GPR155: variants seen among roughly 807,000 people sequenced by gnomAD.
The protein encoded by GPR155 is G protein-coupled receptor 155, also known as lysosomal cholesterol signaling protein.
Under a neutral mutation model 93.1 loss-of-function variants are expected in GPR155, and 65 were observed. The observed-to-expected ratio is 0.70, with a 90% CI of 0.57 to 0.86. The LOEUF is 0.86. GPR155 is among the 40% of genes least tolerant of loss of function. The pLI, the probability that GPR155 is intolerant of heterozygous loss-of-function variation, is 0.00. For synonymous variants in GPR155, 319 were observed against 360.1 expected, an observed-to-expected ratio of 0.89 and a Z score of 1.29; for missense variants, 838 against 1,034.8, an observed-to-expected ratio of 0.81 and a Z score of 2.61.
At chr2:174,482,059 C>T (rs1043539097) in intron 1 of GPR155, 72 bp from the exon 2 acceptor site, 81 of 755,632 alleles carry the variant, frequency 1.1e-4, no homozygotes, top group South Asian at 5.6e-4. Flanking sequence ...CACTGGCAAA[C>T]CTAGATTTGT....
intron 6 of GPR155, 27 bp from the exon 7 acceptor site, chr2:174,465,929 T>C: frequency 9.6e-7 from 1 of 1,043,304 alleles, no homozygotes. Context: ...TAAAAGACTT[T>C]GTAAATAGCT....
intron 10 of GPR155, among the ~76,000 whole-genome samples, chr2:174,454,240 C>A (rs988280862): frequency 3.9e-5 from 6 of 152,122 alleles, no homozygotes; most frequent in Non-Finnish European, 2.9e-5. Flanking sequence ...TGGGTTCAAG[C>A]GATTGTCCCG....
At position 174,435,756 on chromosome 2, in the gene GPR155, G is replaced by A. The variant is rs1574686571; in HGVS notation, c.*360C>T. 1.2e-5 allele frequency: 2 copies of A among 172,428 alleles called. No individual in the cohort carries two copies. Among genetic ancestry groups the A allele is most frequent in the Admixed American group, 1.1e-4 (2 of 17,418 alleles). 10.7% of individuals were successfully genotyped at this position (172,428 alleles called of 1,614,324 possible). ...CCCAAAGTACTGGGATTACAGGCGT[G>A]AGCCACCATGCCCGGCCTACACCAT... is the stretch of plus-strand genomic sequence containing the variant. On this transcript the variant is annotated 3_prime_UTR_variant, in exon 16 of 16. Coordinates refer to ENST00000392552, the MANE Select transcript of GPR155 (RefSeq NM_152529.7).
chr2:174,460,733 C>T (rs1687667541), intron 9 of GPR155, among the ~76,000 whole-genome samples: 1 of 152,126 alleles, frequency 6.6e-6, no homozygotes, highest in Non-Finnish European at 1.5e-5. Context: ...ACGTATAATT[C>T]ACGCATACTT....
chr2:174,436,167 T>A lies in GPR155; in HGVS notation c.2562A>T (p.Arg854Ser). ...AINANTLQQE[R>S]YKEIEHSSPP... is the part of the protein sequence containing the mutation. The stretch of plus-strand genomic sequence containing the variant: ...GGGATGAATGCTCAATTTCTTTATA[T>A]CTTTCCTGTTGGAGAGTGTTTGCAT... The change falls in exon 16 of 16, where the codon AGA becomes AGT. Residue 854 changes from arginine to serine, a missense_variant. By Grantham distance (110) the Arg-to-Ser change is moderately radical. This residue lies in a region of GPR155 where 146 missense variants were observed against 177.5 expected (regional missense o/e 0.82). Coordinates refer to ENST00000392552, the MANE Select transcript of GPR155 (RefSeq NM_152529.7). 6.2e-7 allele frequency: 1 copy of A among 1,614,026 alleles called. No homozygotes were observed. Among genetic ancestry groups the A allele is most frequent in the Non-Finnish European group, 8.5e-7 (1 of 1,179,896 alleles).
At chr2:174,482,684 G>A (rs1688361035) in intron 1 of GPR155, among the ~76,000 whole-genome samples, 1 of 152,150 alleles carries the variant, frequency 6.6e-6, no homozygotes, top group Non-Finnish European at 1.5e-5. Context: ...GCTAATTTTT[G>A]TATTTTTGTA....
At chr2:174,453,246 A>G (rs965101453) in intron 11 of GPR155, among the ~76,000 whole-genome samples, 1 of 152,220 alleles carries the variant, frequency 6.6e-6, no homozygotes, top group Non-Finnish European at 1.5e-5. Context: ...TAAAGTGAGT[A>G]TTCTGTCTAT....
At chr2:174,443,441 G>A (rs1371906221) in intron 13 of GPR155, among the ~76,000 whole-genome samples, 1 of 152,160 alleles carries the variant, frequency 6.6e-6, no homozygotes. Context: ...TAATGCAAAA[G>A]TAAGGGCTGG....
chr2:174,442,390 G>A (rs937135690), intron 13 of GPR155, among the ~76,000 whole-genome samples: 2 of 152,132 alleles, frequency 1.3e-5, no homozygotes, highest in Non-Finnish European at 2.9e-5. Flanking sequence ...CCCACTCATT[G>A]TGATGGGTGA....
At chr2:174,463,584 G>A (rs566888653) in intron 7 of GPR155, among the ~76,000 whole-genome samples, 1 of 152,296 alleles carries the variant, frequency 6.6e-6, no homozygotes, top group African/African-American at 2.4e-5. Flanking sequence ...TGAAATGGTA[G>A]TTTGAAGAAA....
intron 4 of GPR155, among the ~76,000 whole-genome samples, chr2:174,469,977 T>G (rs1415059774): frequency 6.6e-6 from 1 of 152,170 alleles, no homozygotes; most frequent in African/African-American, 2.4e-5. Context: ...ATCTTGTGCC[T>G]CAGCCACCCA....
intron 6 of GPR155, 26 bp from the exon 7 acceptor site, chr2:174,465,928 T>C: frequency 9.4e-7 from 1 of 1,061,202 alleles, no homozygotes; most frequent in Non-Finnish European, 1.5e-6. Flanking sequence ...TTAAAAGACT[T>C]TGTAAATAGC....
Position 174,453,802 on chromosome 2 carries a change from C to G in GPR155, c.1811G>C (p.Cys604Ser), listed in dbSNP as rs1271441258. The change falls in exon 11 of 16, where the codon TGC becomes TCC. Residue 604 changes from cysteine to serine, a missense_variant. Cys to Ser is a moderately radical substitution (Grantham distance 112). Transcript: ENST00000392552. The part of the protein sequence containing the change: ...SCSMGNGELH[C>S]PSIEPIANTS... ...GTTTGCTATTGGCTCTATTGATGGG[C>G]AGTGTAATTCACCATTTCCCATGGA... is the stretch of plus-strand genomic sequence containing the variant. 4 of 1,613,522 alleles carry G rather than the reference C, an allele frequency of 2.5e-6. No homozygotes were observed. The highest frequency in any genetic ancestry group is 3.4e-6 in the Non-Finnish European group (4 of 1,179,688).
chr2:174,461,501 A>G lies in GPR155; in HGVS notation c.1470-9T>C. 1 of 1,603,844 alleles carries G rather than the reference A, an allele frequency of 6.2e-7. No homozygotes were observed. The highest frequency in any genetic ancestry group is 8.5e-7 in the Non-Finnish European group (1 of 1,170,800). The stretch of plus-strand genomic sequence containing the variant: ...CAAGGAGAGCAGGAATTCTGTAATC[A>G]CAAGTGATATTGGGAGAGAAAAAGA... On this transcript the variant is annotated splice_polypyrimidine_tract_variant and intron_variant, in intron 8 of 15. Coordinates refer to ENST00000392552, the MANE Select transcript of GPR155 (RefSeq NM_152529.7).
At chr2:174,458,024 A>G (rs957654605) in intron 10 of GPR155, among the ~76,000 whole-genome samples, 4 of 152,202 alleles carry the variant, frequency 2.6e-5, no homozygotes, top group African/African-American at 9.7e-5. Flanking sequence ...GGTGTGAGCA[A>G]CCATACCCAG....
Position 174,436,066 on chromosome 2 carries a change from T to C in GPR155, c.*50A>G. 1 of 1,496,678 alleles carries C rather than the reference T, an allele frequency of 6.7e-7. No individual in the cohort carries two copies. Among genetic ancestry groups the C allele is most frequent in the South Asian group, 1.2e-5 (1 of 81,858 alleles). 92.7% of individuals were successfully genotyped at this position (1,496,678 alleles called of 1,614,324 possible). A position where few individuals can be genotyped will look rare whatever the true frequency, so the allele number is the denominator to read the frequency against. ...CCAAGGTCACCCAGCTAAAAACTAA[T>C]GAATACGCGGCTAGAATATGATTCC... On this transcript the variant is annotated 3_prime_UTR_variant, in exon 16 of 16. Transcript: ENST00000392552.
intron 10 of GPR155, among the ~76,000 whole-genome samples, chr2:174,457,197 G>A (rs1370732775): frequency 5.3e-5 from 8 of 152,048 alleles, no homozygotes; most frequent in African/African-American, 1.9e-4. Flanking sequence ...CTGTAGACCC[G>A]GCTACTTGGG....
rs189174582 is a variant in GPR155 at position 174,455,985 on chromosome 2, C to G, written c.1772-2144G>C. On this transcript the variant is annotated intron_variant, in intron 10 of 15. Coordinates refer to ENST00000392552, the MANE Select transcript of GPR155 (RefSeq NM_152529.7). ...CCTCCCGAGTAGCTGGGTCTACAGGCGTCTGCCACCACAGCCTGGCAAATT... is the reference window on the plus strand; with the variant it reads ...CCTCCCGAGTAGCTGGGTCTACAGGGGTCTGCCACCACAGCCTGGCAAATT... 1.4e-4 allele frequency among the ~76,000 whole-genome samples: 22 copies of G among 152,066 alleles called. No individual in the cohort carries two copies. The East Asian group carries it at 4.1e-3, about 28-fold the overall frequency.
chr2:174,447,340 A>C (rs1392843988), intron 11 of GPR155, among the ~76,000 whole-genome samples: 2 of 147,582 alleles, frequency 1.4e-5, no homozygotes, highest in Non-Finnish European at 3.0e-5. Flanking sequence ...AAAAATAATA[A>C]AAAATTATAT....
Sources: gnomAD v4.1 joint callset for allele counts (sites outside exome capture counted in the v4.1 genomes callset) on GRCh38, gnomAD v4.1.1 for gene constraint, gnomAD v4.1.1 regional missense constraint, MANE v1.5 for transcripts, NCBI Gene and HGNC (gene_info 2026-07-23, HGNC 2026-07-21) for gene names.